CYTH3: variants seen among roughly 807,000 people sequenced by gnomAD.
CYTH3 encodes the protein cytohesin 3, also known as cytohesin-3.
CYTH3 carries 23 observed loss-of-function variants against 55.1 expected under a neutral mutation model. The observed-to-expected ratio is 0.42, with a 90% CI of 0.30 to 0.59. The LOEUF is 0.59. Ranked by LOEUF, CYTH3 falls within the 20% of genes least tolerant of loss-of-function variation. The pLI is 0.20. For synonymous variants in CYTH3, 249 were observed against 194.9 expected, an observed-to-expected ratio of 1.28 and a Z score of -2.31; for missense variants, 413 against 524.8, an observed-to-expected ratio of 0.79 and a Z score of 2.08.
chr7:6,268,051 T>C (rs561416124), intron 1 of CYTH3, among the ~76,000 whole-genome samples: 1 of 152,310 alleles, frequency 6.6e-6, no homozygotes, highest in East Asian at 1.9e-4. Flanking sequence ...AGGTAACCAT[T>C]GTTATTGGTT....
At chr7:6,250,983 A>G (rs1024270173) in intron 1 of CYTH3, among the ~76,000 whole-genome samples, 3 of 152,242 alleles carry the variant, frequency 2.0e-5, no homozygotes, top group African/African-American at 7.2e-5. Context: ...CCAATCATAC[A>G]TAAATCTGAG....
At position 6,260,095 on chromosome 7, in the gene CYTH3, C is replaced by T. The variant is rs964197409; in HGVS notation, c.34+12379G>A. 4.0e-5 allele frequency among the ~76,000 whole-genome samples: 6 copies of T among 151,376 alleles called. No individual in the cohort carries two copies. The South Asian group carries it at 8.3e-4, about 21-fold the overall frequency. On this transcript the variant is annotated intron_variant, in intron 1 of 12. Transcript: ENST00000350796. ...CCACCCTCCTCGGCCTCCCAAAGTG[C>T]TGGGATTACAGGCGTGTGCCACCGC...
intron 1 of CYTH3, among the ~76,000 whole-genome samples, chr7:6,259,768 TATATTATATATATATAATATATATATATA>T (rs1780254113): frequency 4.1e-5 from 1 of 24,340 alleles, no homozygotes; most frequent in Non-Finnish European, 5.7e-5. Context: ...TATATATATA[TATATTATATATATATAATATATATATATA>T]TATATATATA....
At chr7:6,265,138 G>T (rs929749391) in intron 1 of CYTH3, among the ~76,000 whole-genome samples, 1 of 152,112 alleles carries the variant, frequency 6.6e-6, no homozygotes, top group Non-Finnish European at 1.5e-5. Context: ...GGGAGGAAAC[G>T]GGAGAGGAGC....
chr7:6,200,359 G>A (rs944834595), intron 1 of CYTH3, among the ~76,000 whole-genome samples: 3 of 152,116 alleles, frequency 2.0e-5, no homozygotes, highest in African/African-American at 7.2e-5. Flanking sequence ...GACTTCTCCT[G>A]GAGAAAGATG....
rs565881089 is a variant in CYTH3, at chr7:6,162,492, T to C, written c.*2452A>G. 1 of 152,280 alleles carries C rather than the reference T, an allele frequency of 6.6e-6. No individual in the cohort carries two copies. The highest frequency in any genetic ancestry group is 2.4e-5 in the African/African-American group (1 of 41,462). 9.4% of individuals were successfully genotyped at this position (152,280 alleles called of 1,614,324 possible). Reference sequence around the variant, plus strand: ...TGAGGGACAAAAAACAGATGTGTCCTGTTTCAGGGCCGTCCTGGTAGCGGC... The same window carrying C: ...TGAGGGACAAAAAACAGATGTGTCCCGTTTCAGGGCCGTCCTGGTAGCGGC... On this transcript the variant is annotated 3_prime_UTR_variant, in exon 13 of 13. Transcript: ENST00000350796.
chr7:6,165,251 C>T, intron 12 of CYTH3, 22 bp downstream of exon 12: 2 of 1,599,264 alleles, frequency 1.3e-6, no homozygotes, highest in Non-Finnish European at 1.7e-6. Context: ...GGGCCTGGCC[C>T]CGCCCCCGAG....
Position 6,170,802 on chromosome 7 carries a change from G to A in CYTH3, c.711+28C>T, listed in dbSNP as rs556745763. On this transcript the variant is annotated intron_variant, in intron 8 of 12. Transcript: ENST00000350796. The surrounding 1 kb of genome is among the most constrained non-coding windows in gnomAD (Gnocchi z 7.8). ...CTCACAGCGAAGAGATCCTGCAGAC[G>A]GCAGCGGCCGCGGGCCGGGGAGCTC... 33 of 1,597,770 alleles carry A rather than the reference G, an allele frequency of 2.1e-5. No homozygotes were observed. Among genetic ancestry groups the A allele is most frequent in the Non-Finnish European group, 2.5e-5 (29 of 1,172,276 alleles).
intron 1 of CYTH3, among the ~76,000 whole-genome samples, chr7:6,229,734 T>C (rs1779340552): frequency 6.6e-6 from 1 of 151,048 alleles, no homozygotes; most frequent in East Asian, 1.9e-4. Context: ...AGAGAGACAC[T>C]TGAACCCGGG....
At chr7:6,208,590 T>C (rs553445462) in intron 1 of CYTH3, among the ~76,000 whole-genome samples, 1 of 152,278 alleles carries the variant, frequency 6.6e-6, no homozygotes, top group East Asian at 1.9e-4. Flanking sequence ...GTCACCCAGG[T>C]TGGGGGGCAA....
intron 1 of CYTH3, among the ~76,000 whole-genome samples, chr7:6,257,073 G>T (rs935353551): frequency 6.6e-6 from 1 of 152,206 alleles, no homozygotes; most frequent in African/African-American, 2.4e-5. Flanking sequence ...CCGAGAAAAC[G>T]CAACATTTTA....
Position 6,246,964 on chromosome 7 carries a change from C to T in CYTH3, c.34+25510G>A, listed in dbSNP as rs191568554. ...TAGTTGGTTAGAATATATCCATGAA[C>T]AAGTTTTGTTTAAGAAAAATTTACA... On this transcript the variant is annotated intron_variant, in intron 1 of 12. Transcript: ENST00000350796. Among the ~76,000 whole-genome samples the T allele has an allele frequency of 1.9e-3, 293 of 152,154 alleles. 1 individual carries two copies. The highest frequency in any genetic ancestry group is 6.4e-3 in the African/African-American group (264 of 41,516).
In CYTH3 at chr7:6,177,909, T is replaced by C; in HGVS notation, c.282A>G (p.Leu94=). 1 of 1,614,144 alleles carries C rather than the reference T, an allele frequency of 6.2e-7. No individual in the cohort carries two copies. The highest frequency in any genetic ancestry group is 8.5e-7 in the Non-Finnish European group (1 of 1,179,964). ...GIQFLIENDL[L]QSSPEDVAQF... is the part of the protein sequence containing the mutation. ...GGGCGACGTCTTCTGGGGAACTCTG[T>C]AGCAGGTCATTTTCTATTAGAAACT... Residue 94 remains leucine, a synonymous_variant, in exon 5 of 13, where the codon CTA becomes CTG. Coordinates refer to ENST00000350796, the MANE Select transcript of CYTH3 (RefSeq NM_004227.4).
intron 1 of CYTH3, among the ~76,000 whole-genome samples, chr7:6,205,407 T>G (rs1340596842): frequency 6.6e-6 from 1 of 151,790 alleles, no homozygotes; most frequent in Non-Finnish European, 1.5e-5. Context: ...ACCCCATCTC[T>G]ACTAAAAATA....
chr7:6,256,251 G>C (rs1242302120), intron 1 of CYTH3, among the ~76,000 whole-genome samples: 2 of 152,136 alleles, frequency 1.3e-5, no homozygotes, highest in African/African-American at 4.8e-5. Flanking sequence ...ACTTCTGCCG[G>C]GATATTCTCT....
At chr7:6,208,690 C>G (rs575973414) in intron 1 of CYTH3, among the ~76,000 whole-genome samples, 40 of 152,204 alleles carry the variant, frequency 2.6e-4, no homozygotes, top group African/African-American at 8.9e-4. Flanking sequence ...ACTACAGGAG[C>G]CTGCTATCAT....
chr7:6,187,158 C>G, intron 3 of CYTH3, 42 bp from the exon 4 acceptor site: 1 of 1,568,816 alleles, frequency 6.4e-7, no homozygotes, highest in Non-Finnish European at 8.7e-7. Flanking sequence ...ATGCTGTTTT[C>G]ACAATGCAGC....
chr7:6,259,772 T>TATATAATATATATATATA (rs1491219669), intron 1 of CYTH3, among the ~76,000 whole-genome samples: 3 of 30,496 alleles, frequency 9.8e-5, no homozygotes, highest in Non-Finnish European at 1.4e-4. Context: ...TATATATATA[T>TATATAATATATATATATA]TATATATATA....
chr7:6,238,352 C>A (rs1779580904), intron 1 of CYTH3, among the ~76,000 whole-genome samples: 1 of 152,082 alleles, frequency 6.6e-6, no homozygotes, highest in African/African-American at 2.4e-5. Context: ...ATGATTTACT[C>A]CTCCTCTAAA....
Sources: gnomAD v4.1 joint callset for allele counts (sites outside exome capture counted in the v4.1 genomes callset) on GRCh38, gnomAD v4.1.1 for gene constraint, Gnocchi (gnomAD v3.1) non-coding constraint, MANE v1.5 for transcripts, NCBI Gene and HGNC (gene_info 2026-07-23, HGNC 2026-07-21) for gene names.